The following RXRG variants were observed in gnomAD, a reference collection of about 807,000 sequenced individuals.
RXRG encodes retinoic acid receptor RXR-gamma.
A neutral mutation model predicts 49.2 loss-of-function variants in RXRG; 19 were observed. The observed-to-expected ratio is 0.39, with a 90% CI of 0.27 to 0.57. The LOEUF (loss-of-function observed/expected upper bound fraction) is 0.57, where lower values mean the gene tolerates loss of function less well. RXRG is among the 20% of genes least tolerant of loss of function. RXRG has a pLI of 0.64. For missense variants in RXRG, 452 were observed against 592.5 expected (o/e 0.76, Z 2.46); for synonymous variants, 224 against 216.6 (o/e 1.03, Z -0.30).
At chr1:165,419,845 A>G in intron 3 of RXRG, 25 bp downstream of exon 3, 1 of 1,573,824 alleles carries the variant, frequency 6.4e-7, no homozygotes, top group Non-Finnish European at 8.6e-7. Flanking sequence ...GGCACTTTTC[A>G]GGGAGTGTCT....
chr1:165,434,123 G>A (rs1571286705), intron 1 of RXRG, among the ~76,000 whole-genome samples: 1 of 152,280 alleles, frequency 6.6e-6, no homozygotes, highest in African/African-American at 2.4e-5. Flanking sequence ...TCAGAGGACT[G>A]CTGAGAGCTC....
intron 1 of RXRG, among the ~76,000 whole-genome samples, chr1:165,432,841 G>A (rs901703189): frequency 6.6e-6 from 1 of 152,192 alleles, no homozygotes; most frequent in Non-Finnish European, 1.5e-5. Flanking sequence ...CCTAGGATAA[G>A]TCTAGTCCAA....
chr1:165,423,631 C>A (rs937288682), intron 2 of RXRG, among the ~76,000 whole-genome samples: 2 of 150,228 alleles, frequency 1.3e-5, no homozygotes, highest in African/African-American at 2.5e-5. Flanking sequence ...TCTAAACCTG[C>A]GACTTCCTAA....
intron 1 of RXRG, among the ~76,000 whole-genome samples, chr1:165,432,299 T>C (rs1354510792): frequency 6.6e-6 from 1 of 152,236 alleles, no homozygotes. Context: ...TTATTTCTGT[T>C]GAGTCAATGA....
At chr1:165,436,212 G>A (rs974752372) in intron 1 of RXRG, among the ~76,000 whole-genome samples, 1 of 152,148 alleles carries the variant, frequency 6.6e-6, no homozygotes, top group Non-Finnish European at 1.5e-5. Context: ...GGTATGGCTT[G>A]CCCATGACCT....
chr1:165,408,468 C>T, intron 7 of RXRG, 150 bp from the exon 8 acceptor site: 1 of 624,520 alleles, frequency 1.6e-6, no homozygotes, highest in East Asian at 2.7e-5. Flanking sequence ...AAGATGCAAC[C>T]CCTCATTGCA....
At chr1:165,414,870 C>A (rs1358841514) in intron 4 of RXRG, among the ~76,000 whole-genome samples, 1 of 152,182 alleles carries the variant, frequency 6.6e-6, no homozygotes, top group African/African-American at 2.4e-5. Flanking sequence ...ATGAATGAGT[C>A]ATTTTTAGGA....
At chr1:165,411,533 A>G (rs1657947557) in intron 4 of RXRG, among the ~76,000 whole-genome samples, 1 of 152,186 alleles carries the variant, frequency 6.6e-6, no homozygotes, top group Admixed American at 6.5e-5. Flanking sequence ...GTCAGATCCT[A>G]TGCATCATCC....
intron 4 of RXRG, among the ~76,000 whole-genome samples, chr1:165,416,240 T>A (rs2101718285): frequency 6.6e-6 from 1 of 152,224 alleles, no homozygotes; most frequent in East Asian, 1.9e-4. Context: ...GATTCACCAC[T>A]ATCCCCATGT....
At position 165,428,744 on chromosome 1, in the gene RXRG, T is replaced by C; in HGVS notation, c.272A>G (p.Asn91Ser). The C allele has an allele frequency of 6.2e-7, 1 of 1,602,256 alleles. No homozygotes were observed. The highest frequency in any genetic ancestry group is 8.5e-7 in the Non-Finnish European group (1 of 1,171,164). The change falls in exon 2 of 10, where the codon AAC (asparagine) becomes AGC (serine). Residue 91 changes from asparagine to serine, a missense_variant. By Grantham distance (46) the Asn-to-Ser change is conservative. Transcript: ENST00000359842. ...SGALAAPPGI[N>S]LVAPPSSQLN... ...CTGAGAGCTGGGTGGGGCAACCAAG[T>C]TGATTCCTGGAGGCGCTGCAAGTGC... is the stretch of plus-strand genomic sequence containing the variant.
At chr1:165,436,799 T>C in intron 1 of RXRG, 1 of 496,366 alleles carries the variant, frequency 2.0e-6, no homozygotes, top group Non-Finnish European at 2.7e-6. Context: ...TGGAGTTCCT[T>C]GGCCTCTTTT....
intron 1 of RXRG, among the ~76,000 whole-genome samples, chr1:165,442,497 A>G (rs1659038874): frequency 6.6e-6 from 1 of 152,228 alleles, no homozygotes; most frequent in Non-Finnish European, 1.5e-5. Flanking sequence ...TCCATAGCTG[A>G]ACCATTGTGT....
At chr1:165,437,716 C>T (rs886657202) in intron 1 of RXRG, among the ~76,000 whole-genome samples, 1 of 152,338 alleles carries the variant, frequency 6.6e-6, no homozygotes, top group East Asian at 1.9e-4. Flanking sequence ...CACTCATTGA[C>T]ATCTGCCTCC....
intron 2 of RXRG, chr1:165,424,870 C>T: frequency 1.0e-6 from 1 of 985,542 alleles, no homozygotes; most frequent in Non-Finnish European, 1.2e-6. Context: ...GTCCAGCTCA[C>T]TGTAGCTAAC....
intron 9 of RXRG, among the ~76,000 whole-genome samples, chr1:165,402,660 A>C (rs1657618055): frequency 1.3e-5 from 2 of 151,528 alleles, no homozygotes; most frequent in African/African-American, 4.9e-5. Flanking sequence ...TTACACACAC[A>C]CCCTCACACA....
At chr1:165,406,645 A>C (rs1657759592) in intron 9 of RXRG, among the ~76,000 whole-genome samples, 167 bp downstream of exon 9, 1 of 152,224 alleles carries the variant, frequency 6.6e-6, no homozygotes, top group Admixed American at 6.5e-5. Flanking sequence ...AAGACAGATA[A>C]GGCCGCTAGC....
chr1:165,410,778 G>A lies in RXRG; in HGVS notation c.837C>T (p.Thr279=), dbSNP rs1469973214. 6.2e-7 allele frequency: 1 copy of A among 1,614,138 alleles called. No homozygotes were observed. Among genetic ancestry groups the A allele is most frequent in the Admixed American group, 1.7e-5 (1 of 60,030 alleles). ...GAATACGCTTGGCCCATTCAACGAGGGTGAAAAGCTGCTTGTCAGCAGCAT... is the reference window on the plus strand; with the variant it reads ...GAATACGCTTGGCCCATTCAACGAGAGTGAAAAGCTGCTTGTCAGCAGCAT... The part of the protein sequence containing the change: ...ICHAADKQLF[T]LVEWAKRIPH... The change falls in exon 6 of 10, where the codon ACC becomes ACT. Residue 279 remains threonine (T), a synonymous_variant. Transcript: ENST00000359842.
chr1:165,405,014 C>T (rs1657700061), intron 9 of RXRG, among the ~76,000 whole-genome samples: 1 of 152,188 alleles, frequency 6.6e-6, no homozygotes, highest in East Asian at 1.9e-4. Context: ...CAGCCTCAGC[C>T]TCCCAAAGTG....
chr1:165,419,505 C>T (rs1658239847), intron 3 of RXRG, among the ~76,000 whole-genome samples: 1 of 152,016 alleles, frequency 6.6e-6, no homozygotes, highest in African/African-American at 2.4e-5. Flanking sequence ...ATCCTCCCAC[C>T]TCAGCCTCCC....
Sources: gnomAD v4.1 joint callset for allele counts (sites outside exome capture counted in the v4.1 genomes callset) on GRCh38, gnomAD v4.1.1 for gene constraint, MANE v1.5 for transcripts, NCBI Gene and HGNC (gene_info 2026-07-23, HGNC 2026-07-21) for gene names.